The following PRKG1 variants were observed in gnomAD, a reference collection of about 807,000 sequenced individuals.
PRKG1 encodes cGMP-dependent protein kinase 1.
Under a neutral mutation model 88.1 loss-of-function variants are expected in PRKG1, and 35 were observed. The ratio of observed to expected loss-of-function variants is 0.40; its 90% CI spans 0.30 to 0.53. The LOEUF (loss-of-function observed/expected upper bound fraction) is 0.53. Ranked by LOEUF, PRKG1 falls within the 20% of genes least tolerant of loss-of-function variation. PRKG1 has a pLI of 0.59. For missense variants in PRKG1, 540 were observed against 839.8 expected (o/e 0.64, Z 4.41); for synonymous variants, 303 against 292.5 (o/e 1.04, Z -0.37).
intron 3 of PRKG1, among the ~76,000 whole-genome samples, chr10:51,474,084 G>A (rs1317111789): frequency 6.6e-6 from 1 of 151,944 alleles, no homozygotes; most frequent in Non-Finnish European, 1.5e-5. Flanking sequence ...AATAAAAGCA[G>A]ATAACATTTG....
chr10:51,278,134 A>G (rs1698119812), intron 2 of PRKG1, among the ~76,000 whole-genome samples: 1 of 152,122 alleles, frequency 6.6e-6, no homozygotes, highest in South Asian at 2.1e-4. Flanking sequence ...TCCCATCAAT[A>G]CCTAATTTAT....
chr10:51,663,942 TAAAC>T (rs747734864), intron 3 of PRKG1, among the ~76,000 whole-genome samples: 2 of 152,044 alleles, frequency 1.3e-5, no homozygotes, highest in African/African-American at 2.4e-5. Context: ...TTGAATAAAA[TAAAC>T]AAAAGATAGA....
intron 7 of PRKG1, 83 bp downstream of exon 7, chr10:52,062,714 G>A (rs1340823913): frequency 5.0e-6 from 5 of 993,514 alleles, no homozygotes; most frequent in Non-Finnish European, 7.9e-6. Flanking sequence ...TAGCACAATA[G>A]GCTTTTTATT....
chr10:52,287,358 C>G (rs1842139671), intron 14 of PRKG1, among the ~76,000 whole-genome samples: 1 of 151,920 alleles, frequency 6.6e-6, no homozygotes, highest in Non-Finnish European at 1.5e-5. Context: ...AAATAGAAAG[C>G]ATTTTTCACA....
intron 3 of PRKG1, among the ~76,000 whole-genome samples, chr10:51,559,919 A>T (rs1305847412): frequency 6.6e-6 from 1 of 152,124 alleles, no homozygotes. Context: ...AATAACCAAA[A>T]GTATCCTCTC....
At chr10:51,658,478 T>G (rs1840216821) in intron 3 of PRKG1, among the ~76,000 whole-genome samples, 1 of 151,848 alleles carries the variant, frequency 6.6e-6, no homozygotes, top group African/African-American at 2.4e-5. Flanking sequence ...ACATGAAAAG[T>G]AGCCCAACAA....
At chr10:51,677,765 G>A (rs1481643033) in intron 3 of PRKG1, among the ~76,000 whole-genome samples, 2 of 152,130 alleles carry the variant, frequency 1.3e-5, no homozygotes, top group African/African-American at 4.8e-5. Flanking sequence ...ACTAGGTTTT[G>A]GGGACAGTTT....
At chr10:51,778,600 T>C (rs1838503257) in intron 3 of PRKG1, among the ~76,000 whole-genome samples, 1 of 152,208 alleles carries the variant, frequency 6.6e-6, no homozygotes, top group African/African-American at 2.4e-5. Flanking sequence ...TAGTTTTAAA[T>C]TCCACAAAAA....
At chr10:51,571,825 G>A (rs1269275963) in intron 3 of PRKG1, among the ~76,000 whole-genome samples, 1 of 151,834 alleles carries the variant, frequency 6.6e-6, no homozygotes, top group Non-Finnish European at 1.5e-5. Flanking sequence ...GATGATGTAA[G>A]ATAGATATAT....
chr10:51,121,295 A>G (rs188924722), intron 1 of PRKG1, among the ~76,000 whole-genome samples: 206 of 152,274 alleles, frequency 1.4e-3, no homozygotes, highest in Non-Finnish European at 1.5e-3. Flanking sequence ...AGGAGCCACT[A>G]TTTGCTTTCT....
At chr10:51,292,081 C>A (rs1043199116) in intron 2 of PRKG1, among the ~76,000 whole-genome samples, 26 of 152,142 alleles carry the variant, frequency 1.7e-4, no homozygotes, top group African/African-American at 5.1e-4. Flanking sequence ...AGCAGTTATT[C>A]AATTCTGTTT....
intron 5 of PRKG1, among the ~76,000 whole-genome samples, chr10:51,917,704 G>A (rs766910965): frequency 6.6e-6 from 1 of 152,150 alleles, no homozygotes; most frequent in African/African-American, 2.4e-5. Context: ...ATACTTACAC[G>A]TTGATTTAGT....
intron 2 of PRKG1, chr10:51,302,925 C>T (rs1339000032): frequency 2.0e-5 from 3 of 152,056 alleles, no homozygotes; most frequent in Non-Finnish European, 4.4e-5. Context: ...AGTATTTCAC[C>T]CAAGGTCACA....
chr10:51,719,467 A>G (rs1320837455), intron 3 of PRKG1, among the ~76,000 whole-genome samples: 2 of 152,234 alleles, frequency 1.3e-5, no homozygotes, highest in African/African-American at 4.8e-5. Flanking sequence ...GAGGGACATT[A>G]TACAAAATAC....
intron 3 of PRKG1, among the ~76,000 whole-genome samples, chr10:51,795,830 C>T (rs184416912): frequency 6.6e-6 from 1 of 152,160 alleles, no homozygotes; most frequent in East Asian, 1.9e-4. Flanking sequence ...TGTGCCAAGC[C>T]CTCAATTTCT....
At chr10:51,140,511 A>G (rs1312422880) in intron 1 of PRKG1, among the ~76,000 whole-genome samples, 4 of 152,214 alleles carry the variant, frequency 2.6e-5, no homozygotes, top group Non-Finnish European at 4.4e-5. Context: ...GTGGAAGTTA[A>G]ATGTTGCATA....
chr10:51,866,306 A>G (rs1359390094), intron 4 of PRKG1, among the ~76,000 whole-genome samples: 1 of 152,140 alleles, frequency 6.6e-6, no homozygotes, highest in Non-Finnish European at 1.5e-5. Flanking sequence ...ACAGAATGGT[A>G]TATAGATCAT....
intron 5 of PRKG1, among the ~76,000 whole-genome samples, chr10:52,043,821 C>A (rs1845802679): frequency 1.5e-5 from 2 of 134,240 alleles, no homozygotes; most frequent in South Asian, 2.5e-4. Flanking sequence ...AATTATACAT[C>A]AATTAAAAGA....
At position 52,272,438 on chromosome 10, in the gene PRKG1, G is replaced by C. The variant is rs746880069; in HGVS notation, c.1360G>C (p.Glu454Gln). 2 of 1,611,376 alleles carry C rather than the reference G, an allele frequency of 1.2e-6. No homozygotes were observed. The highest frequency in any genetic ancestry group is 2.2e-5 in the South Asian group (2 of 90,936). ...KDSKYLYMLM[E>Q]ACLGGELWTI... ...CAGCAAATATTTGTATATGTTGATG[G>C]AAGCTTGTCTAGGTGGAGAGCTCTG... Residue 454 changes from glutamate to glutamine, a missense_variant, in exon 12 of 18, where the codon GAA becomes CAA. Glu to Gln is a conservative substitution (Grantham distance 29, BLOSUM62 2). Around this residue, in one of 5 missense-constraint regions of PRKG1, gnomAD observed 400 missense variants for 562.7 expected, o/e 0.71. Transcript: ENST00000373980.
Sources: allele counts gnomAD v4.1 joint callset (sites outside exome capture counted in the v4.1 genomes callset), GRCh38; gene constraint gnomAD v4.1.1; regional missense constraint gnomAD v4.1.1; transcripts MANE v1.5; gene names NCBI Gene and HGNC (gene_info 2026-07-23, HGNC 2026-07-21).